Variants in TTC27 observed in about 807,000 individuals in gnomAD.
TTC27 encodes tetratricopeptide repeat protein 27.
A neutral mutation model predicts 115.9 loss-of-function variants in TTC27; 79 were observed. That is an observed-to-expected ratio of 0.68 (90% CI 0.57 to 0.82). TTC27 has a LOEUF of 0.82. Among genes scored for constraint, TTC27 ranks in the 40% least tolerant of loss-of-function variants. TTC27 has a pLI of 0.00. For missense variants in TTC27, 1,054 were observed against 993.1 expected (o/e 1.06, Z -0.82); for synonymous variants, 401 against 356.0 (o/e 1.13, Z -1.42).
chr2:32,748,383 A>G (rs964584486), intron 12 of TTC27, among the ~76,000 whole-genome samples: 3 of 152,150 alleles, frequency 2.0e-5, no homozygotes, highest in African/African-American at 7.2e-5. Context: ...GTTTATGTGC[A>G]CTTGAGAAGA....
chr2:32,713,145 G>T, intron 10 of TTC27, among the ~76,000 whole-genome samples: 1 of 151,958 alleles, frequency 6.6e-6, no homozygotes, highest in East Asian at 1.9e-4. Flanking sequence ...TCCAGATGCT[G>T]GCCCTTCCAT....
intron 8 of TTC27, among the ~76,000 whole-genome samples, chr2:32,673,847 T>C (rs537061485): frequency 3.8e-4 from 58 of 152,000 alleles, no homozygotes; most frequent in African/African-American, 1.4e-3. Flanking sequence ...ATACAAAAAT[T>C]AGCTGGGTGT....
chr2:32,686,317 G>A (rs1666626243), intron 9 of TTC27, among the ~76,000 whole-genome samples: 1 of 151,938 alleles, frequency 6.6e-6, no homozygotes, highest in Non-Finnish European at 1.5e-5. Flanking sequence ...TTTATTTGCA[G>A]AAATTGACAT....
chr2:32,699,551 A>C (rs952587419), intron 9 of TTC27, among the ~76,000 whole-genome samples: 1 of 152,208 alleles, frequency 6.6e-6, no homozygotes, highest in Admixed American at 6.5e-5. Flanking sequence ...CTAATAAGTC[A>C]ATAGAGCTTC....
chr2:32,719,003 AG>A (rs1257109200), intron 10 of TTC27, among the ~76,000 whole-genome samples: 1 of 152,200 alleles, frequency 6.6e-6, no homozygotes, highest in Admixed American at 6.5e-5. Context: ...GACCAAGCCT[AG>A]GGGGCAGAGG....
chr2:32,712,871 A>T (rs369254661), intron 10 of TTC27, among the ~76,000 whole-genome samples: 3 of 152,190 alleles, frequency 2.0e-5, no homozygotes, highest in Non-Finnish European at 4.4e-5. Flanking sequence ...TCAACATTTT[A>T]TCAGAAGATC....
chr2:32,699,817 A>G (rs984628923), intron 9 of TTC27, among the ~76,000 whole-genome samples: 3 of 152,214 alleles, frequency 2.0e-5, no homozygotes, highest in African/African-American at 7.2e-5. Context: ...GTCAGATTGT[A>G]TCTTATTTTC....
chr2:32,731,700 T>G (rs1410071414), intron 10 of TTC27, among the ~76,000 whole-genome samples: 1 of 152,082 alleles, frequency 6.6e-6, no homozygotes, highest in Non-Finnish European at 1.5e-5. Flanking sequence ...TGCATATGGC[T>G]TAATCAGGTT....
At chr2:32,770,890 T>C (rs1032998912) in intron 13 of TTC27, among the ~76,000 whole-genome samples, 27 of 152,190 alleles carry the variant, frequency 1.8e-4, no homozygotes, top group African/African-American at 6.3e-4. Context: ...CACATTCCAA[T>C]AGGGAGGATA....
chr2:32,635,254 T>C (rs960130589), intron 3 of TTC27: 5 of 153,378 alleles, frequency 3.3e-5, no homozygotes, highest in African/African-American at 9.6e-5. Flanking sequence ...TCCAGCCACT[T>C]TGGTGATTTT....
chr2:32,650,914 T>A (rs1390898195), intron 5 of TTC27, among the ~76,000 whole-genome samples: 2 of 152,186 alleles, frequency 1.3e-5, no homozygotes, highest in Admixed American at 1.3e-4. Context: ...TCCTGTATCC[T>A]AGGGAAAGAC....
intron 5 of TTC27, among the ~76,000 whole-genome samples, chr2:32,655,980 C>T (rs1206240584): frequency 5.3e-5 from 8 of 152,264 alleles, no homozygotes; most frequent in East Asian, 1.9e-4. Flanking sequence ...ATGTAGCTAA[C>T]GGCTACCATC....
chr2:32,695,712 C>G (rs1572523008), intron 9 of TTC27, among the ~76,000 whole-genome samples: 2 of 102,552 alleles, frequency 2.0e-5, no homozygotes, highest in South Asian at 7.8e-4. Context: ...GAGCAAGGCT[C>G]TATCTCAAAA....
At chr2:32,713,827 G>T (rs186871482) in intron 10 of TTC27, among the ~76,000 whole-genome samples, 38 of 152,162 alleles carry the variant, frequency 2.5e-4, no homozygotes, top group Admixed American at 1.2e-3. Context: ...TAGGTAAATT[G>T]TGTGTCTCAG....
chr2:32,666,773 G>C lies in TTC27; in HGVS notation c.939+5G>C. The C allele has an allele frequency of 1.9e-6, 3 of 1,611,512 alleles. No individual in the cohort carries two copies. Among genetic ancestry groups the C allele is most frequent in the Non-Finnish European group, 2.5e-6 (3 of 1,178,834 alleles). ...CCTCAGGAACATTTAACCAAGGCAA[G>C]TAGGACATTAAGTTATTAAATTCAA... On this transcript the variant is annotated splice_donor_5th_base_variant and intron_variant, in intron 7 of 19. Coordinates refer to ENST00000317907, the MANE Select transcript of TTC27 (RefSeq NM_017735.5).
At chr2:32,680,165 T>C (rs1344573581) in intron 9 of TTC27, among the ~76,000 whole-genome samples, 2 of 152,214 alleles carry the variant, frequency 1.3e-5, no homozygotes, top group East Asian at 1.9e-4. Context: ...AAATCTTTGG[T>C]GTGTATCATC....
intron 13 of TTC27, among the ~76,000 whole-genome samples, chr2:32,777,066 A>G (rs1670018895): frequency 6.6e-6 from 1 of 152,182 alleles, no homozygotes; most frequent in South Asian, 2.1e-4. Flanking sequence ...CTTAGGTCAT[A>G]CTTTACATTT....
intron 10 of TTC27, among the ~76,000 whole-genome samples, chr2:32,720,676 A>G (rs1008257802): frequency 6.6e-6 from 1 of 152,204 alleles, no homozygotes; most frequent in Non-Finnish European, 1.5e-5. Flanking sequence ...GAATTAATGC[A>G]TAATTCAGTA....
intron 15 of TTC27, among the ~76,000 whole-genome samples, chr2:32,783,491 A>C (rs1670249666): frequency 6.6e-6 from 1 of 152,260 alleles, no homozygotes; most frequent in Non-Finnish European, 1.5e-5. Context: ...AGGTTGAAGT[A>C]AAATTGCTGC....
Sources: allele counts gnomAD v4.1 joint callset (sites outside exome capture counted in the v4.1 genomes callset), GRCh38; gene constraint gnomAD v4.1.1; transcripts MANE v1.5; gene names NCBI Gene and HGNC (gene_info 2026-07-23, HGNC 2026-07-21).